PRKN: variants seen among roughly 807,000 people sequenced by gnomAD.
PRKN encodes E3 ubiquitin-protein ligase parkin.
PRKN carries 56 observed loss-of-function variants against 59.5 expected under a neutral mutation model. That is an observed-to-expected ratio of 0.94 (90% CI 0.76 to 1.18). The LOEUF (loss-of-function observed/expected upper bound fraction) is 1.18, where lower values mean the gene tolerates loss of function less well. PRKN is among the 50% of genes most tolerant of loss of function. PRKN has a pLI of 0.00. For synonymous variants in PRKN, 250 were observed against 222.1 expected (o/e 1.13, Z -1.12); for missense variants, 657 against 596.4 (o/e 1.10, Z -1.06).
At chr6:162,523,804 G>A (rs1002408641) in intron 1 of PRKN, among the ~76,000 whole-genome samples, 13 of 151,974 alleles carry the variant, frequency 8.6e-5, no homozygotes, top group South Asian at 2.1e-4. Context: ...ATTGCTTCAG[G>A]CTAGGAGTTC....
At chr6:161,658,030 A>AAAAAAAAAAAAAAAT in intron 7 of PRKN, among the ~76,000 whole-genome samples, 1 of 104,902 alleles carries the variant, frequency 9.5e-6, no homozygotes, top group African/African-American at 3.5e-5. Flanking sequence ...AAAAAAAAAA[A>AAAAAAAAAAAAAAAT]AAAAGAAAAG....
intron 7 of PRKN, among the ~76,000 whole-genome samples, chr6:161,596,174 T>C (rs1781905675): frequency 6.6e-6 from 1 of 152,168 alleles, no homozygotes. Flanking sequence ...TCTTGGCACG[T>C]TCCCCTTGAG....
At position 161,470,284 on chromosome 6, in the gene PRKN, G is replaced by C. The variant is rs981137969; in HGVS notation, c.1083+78570C>G. 2.6e-5 allele frequency among the ~76,000 whole-genome samples: 4 copies of C among 152,054 alleles called. No individual in the cohort carries two copies. The highest frequency in any genetic ancestry group is 5.9e-5 in the Non-Finnish European group (4 of 68,018). ...ACCTTTGCTGTCATAGGCCCATTAG[G>C]GTATTATTTAATGTAGTCACTCATC... On this transcript the variant is annotated intron_variant, in intron 9 of 11. Coordinates refer to ENST00000366898, the MANE Select transcript of PRKN (RefSeq NM_004562.3). This position sits in a 1 kb window ranked among gnomAD's most constrained non-coding sequence, Gnocchi z 5.1.
chr6:162,310,579 A>G (rs972345666), intron 2 of PRKN, among the ~76,000 whole-genome samples: 2 of 150,386 alleles, frequency 1.3e-5, no homozygotes, highest in Non-Finnish European at 1.5e-5. Flanking sequence ...TTAAGTTCCC[A>G]CGTTCATGGT....
At chr6:162,188,373 C>T (rs944475952) in intron 4 of PRKN, among the ~76,000 whole-genome samples, 2 of 152,144 alleles carry the variant, frequency 1.3e-5, no homozygotes, top group Admixed American at 1.3e-4. Context: ...CACACCTGCT[C>T]GCTCTGAATT....
chr6:162,610,335 T>C lies in PRKN; in HGVS notation c.7+117327A>G, dbSNP rs539792429. 6.6e-5 allele frequency among the ~76,000 whole-genome samples: 10 copies of C among 152,276 alleles called. No individual in the cohort carries two copies. In the South Asian group the frequency reaches 2.1e-3, roughly 32 times the overall value. ...CTAGGCTCTTCACCACATGCTATGG[T>C]TCTGTCCTAAGCAGGATTTTATTTG... is the stretch of plus-strand genomic sequence containing the variant. On this transcript the variant is annotated intron_variant, in intron 1 of 11. Transcript: ENST00000366898.
intron 1 of PRKN, among the ~76,000 whole-genome samples, chr6:162,698,448 G>C (rs745427814): frequency 5.9e-5 from 9 of 152,064 alleles, no homozygotes; most frequent in Non-Finnish European, 1.0e-4. Context: ...CTTCCTCTTT[G>C]TCTTCCTCCC....
At position 161,703,839 on chromosome 6, in the gene PRKN, C is replaced by CTTT. The variant is rs71004062; in HGVS notation, c.871+81930_871+81932dup. On this transcript the variant is annotated intron_variant, in intron 7 of 11. Coordinates refer to ENST00000366898, the MANE Select transcript of PRKN (RefSeq NM_004562.3). ...CACACATCTCTCTCTCTCTCTCTCTCTTTTTTTTTTTTTTTTTTTTTTTTT... is the reference window on the plus strand; with the variant it reads ...CACACATCTCTCTCTCTCTCTCTCTCTTTTTTTTTTTTTTTTTTTTTTTTTTTT... 3.0e-3 allele frequency among the ~76,000 whole-genome samples: 178 copies of CTTT among 59,848 alleles called. 18 individuals are homozygous for CTTT. The highest frequency in any genetic ancestry group is 4.1e-3 in the Non-Finnish European group (129 of 31,554). The allele number at this position is 59,848 out of a possible 152,430, so 39.3% of individuals were successfully genotyped here.
intron 1 of PRKN, among the ~76,000 whole-genome samples, chr6:162,475,474 ACTGGAGAAGACAAAAAATG>A (rs758032561): frequency 6.6e-6 from 1 of 151,790 alleles, no homozygotes; most frequent in Non-Finnish European, 1.5e-5. Flanking sequence ...ACATGTTGTT[ACTGGAGAAGACAAAAAATG>A]CAGTGAGAAG....
At chr6:161,535,722 T>C (rs1343892514) in intron 9 of PRKN, among the ~76,000 whole-genome samples, 1 of 152,166 alleles carries the variant, frequency 6.6e-6, no homozygotes, top group Non-Finnish European at 1.5e-5. Flanking sequence ...TTCCCCTTTG[T>C]TTCTGGTTGA....
At chr6:162,265,182 AT>A (rs1442285944) in intron 2 of PRKN, 1 of 152,042 alleles carries the variant, frequency 6.6e-6, no homozygotes, top group Admixed American at 6.5e-5. Flanking sequence ...TCTAGATTTG[AT>A]TTTTCATCTT....
chr6:162,304,202 T>A (rs1466886102), intron 2 of PRKN, among the ~76,000 whole-genome samples: 1 of 150,742 alleles, frequency 6.6e-6, no homozygotes, highest in Admixed American at 6.6e-5. Flanking sequence ...GTCTCTTATG[T>A]TGCCGCAATC....
chr6:161,862,456 A>T (rs754966081), intron 6 of PRKN, among the ~76,000 whole-genome samples: 16 of 152,194 alleles, frequency 1.1e-4, no homozygotes, highest in Non-Finnish European at 2.4e-4. Flanking sequence ...GCTTAACATA[A>T]TGGAAGGTTA....
intron 9 of PRKN, among the ~76,000 whole-genome samples, chr6:161,406,627 G>T (rs1334983192): frequency 6.6e-6 from 1 of 152,080 alleles, no homozygotes; most frequent in Admixed American, 6.6e-5. Flanking sequence ...TATGTTTTGG[G>T]TTAATGGCAA....
At chr6:161,874,104 TATATGTAAAATATA>T (rs1287063216) in intron 6 of PRKN, among the ~76,000 whole-genome samples, 2 of 56,910 alleles carry the variant, frequency 3.5e-5, no homozygotes, top group African/African-American at 8.3e-5. Context: ...TAATATATAT[TATATGTAAAATATA>T]ATATATAATA....
At chr6:162,353,924 T>A (rs900943856) in intron 2 of PRKN, among the ~76,000 whole-genome samples, 1 of 152,182 alleles carries the variant, frequency 6.6e-6, no homozygotes, top group Non-Finnish European at 1.5e-5. Flanking sequence ...AGGGACAAAC[T>A]GCACACTTAC....
At chr6:161,524,655 G>A (rs988173868) in intron 9 of PRKN, among the ~76,000 whole-genome samples, 3 of 152,064 alleles carry the variant, frequency 2.0e-5, no homozygotes, top group Admixed American at 1.3e-4. Context: ...TTTCGGAGCT[G>A]AATTTCCTCA....
chr6:162,533,608 A>AATGCGGG (rs1269664198), intron 1 of PRKN, among the ~76,000 whole-genome samples: 1 of 152,180 alleles, frequency 6.6e-6, no homozygotes, highest in African/African-American at 2.4e-5. Context: ...GCTGGCTTCA[A>AATGCGGG]ATGCGGGTTT....
intron 1 of PRKN, among the ~76,000 whole-genome samples, chr6:162,673,725 C>G (rs527352313): frequency 1.3e-5 from 2 of 152,024 alleles, no homozygotes; most frequent in African/African-American, 4.8e-5. Context: ...AGAGAAAAAA[C>G]CAAAACATCC....
Sources: allele counts gnomAD v4.1 joint callset (sites outside exome capture counted in the v4.1 genomes callset), GRCh38; gene constraint gnomAD v4.1.1; non-coding constraint Gnocchi (gnomAD v3.1); transcripts MANE v1.5; gene names NCBI Gene and HGNC (gene_info 2026-07-23, HGNC 2026-07-21).